Variants in AGBL1 observed in about 807,000 individuals in gnomAD.
AGBL1 encodes cytosolic carboxypeptidase 4.
In AGBL1, 130 loss-of-function variants were observed where a neutral mutation model predicts 118.9. That is an observed-to-expected ratio of 1.09 (90% CI 0.95 to 1.26). The LOEUF (loss-of-function observed/expected upper bound fraction) is 1.26. AGBL1 is among the 50% of genes most tolerant of loss of function. The pLI, the probability that AGBL1 is intolerant of heterozygous loss-of-function variation, is 0.00. For synonymous variants in AGBL1, 555 were observed against 478.9 expected, an observed-to-expected ratio of 1.16 and a Z score of -2.08; for missense variants, 1,584 against 1,298.1, an observed-to-expected ratio of 1.22 and a Z score of -3.38.
intron 22 of AGBL1, among the ~76,000 whole-genome samples, chr15:86,842,105 A>G (rs1490487598): frequency 6.6e-6 from 1 of 152,034 alleles, no homozygotes; most frequent in Non-Finnish European, 1.5e-5. Context: ...AAAAAATACA[A>G]TCTAAATTCT....
chr15:86,143,994 C>G, intron 3 of AGBL1, 149 bp downstream of exon 3: 1 of 1,011,316 alleles, frequency 9.9e-7, no homozygotes, highest in Admixed American at 2.9e-5. Flanking sequence ...AGGACCAGCC[C>G]CATAGGAGAG....
intron 22 of AGBL1, among the ~76,000 whole-genome samples, chr15:86,857,465 C>G (rs2079499450): frequency 6.6e-6 from 1 of 152,176 alleles, no homozygotes; most frequent in Non-Finnish European, 1.5e-5. Flanking sequence ...CATGGTCTCT[C>G]TCAAAACAGA....
chr15:86,765,558 C>T (rs566423377), intron 22 of AGBL1, among the ~76,000 whole-genome samples: 2 of 151,946 alleles, frequency 1.3e-5, no homozygotes. Flanking sequence ...ATGGGGAACA[C>T]ATTCCACATG....
At chr15:86,270,127 T>C in intron 14 of AGBL1, 60 bp downstream of exon 14, 2 of 1,547,840 alleles carry the variant, frequency 1.3e-6, no homozygotes, top group Non-Finnish European at 1.7e-6. Context: ...ATTTCTTGAC[T>C]GTTTGGATTC....
chr15:86,311,629 C>T (rs925568005), intron 17 of AGBL1, among the ~76,000 whole-genome samples: 9 of 152,066 alleles, frequency 5.9e-5, no homozygotes, highest in East Asian at 3.9e-4. Context: ...TTTGACATCA[C>T]GAATATCAAC....
At chr15:86,946,503 A>G (rs1314133400) in intron 23 of AGBL1, among the ~76,000 whole-genome samples, 1 of 152,132 alleles carries the variant, frequency 6.6e-6, no homozygotes, top group East Asian at 1.9e-4. Context: ...ATTTATTAAT[A>G]GACTCACTAT....
At chr15:86,333,733 A>G (rs1293555381) in intron 17 of AGBL1, among the ~76,000 whole-genome samples, 1 of 152,196 alleles carries the variant, frequency 6.6e-6, no homozygotes, top group East Asian at 1.9e-4. Context: ...CACAATGAGA[A>G]AAGGAAACTA....
At chr15:86,483,345 T>C (rs1204433964) in intron 18 of AGBL1, among the ~76,000 whole-genome samples, 1 of 151,980 alleles carries the variant, frequency 6.6e-6, no homozygotes, top group Non-Finnish European at 1.5e-5. Flanking sequence ...AGAGGGGCAG[T>C]TTAAGGTGGT....
intron 18 of AGBL1, among the ~76,000 whole-genome samples, chr15:86,487,376 G>A (rs971315474): frequency 1.2e-4 from 18 of 152,114 alleles, no homozygotes; most frequent in African/African-American, 4.3e-4. Flanking sequence ...TAAAAGTGCT[G>A]TGGACTCCTT....
intron 4 of AGBL1, among the ~76,000 whole-genome samples, 181 bp from the exon 5 acceptor site, chr15:86,158,752 C>G (rs184510193): frequency 3.3e-5 from 5 of 152,280 alleles, no homozygotes; most frequent in African/African-American, 1.2e-4. Context: ...CAAGTCATTA[C>G]CTTAGTCATG....
At chr15:86,988,974 ATC>A (rs2081311008) in intron 24 of AGBL1, among the ~76,000 whole-genome samples, 1 of 145,346 alleles carries the variant, frequency 6.9e-6, no homozygotes. Context: ...ATACTTATTC[ATC>A]TCTGATTTTT....
chr15:86,326,635 A>C (rs2080188461), intron 17 of AGBL1, among the ~76,000 whole-genome samples: 1 of 152,062 alleles, frequency 6.6e-6, no homozygotes, highest in South Asian at 2.1e-4. Context: ...CATTTGAGCA[A>C]TAATTAGAGT....
At chr15:86,612,588 TCGTACAGCATCA>T (rs2084672907) in intron 21 of AGBL1, among the ~76,000 whole-genome samples, 1 of 152,116 alleles carries the variant, frequency 6.6e-6, no homozygotes, top group Admixed American at 6.5e-5. Context: ...AACCTGACTC[TCGTACAGCATCA>T]CAGGACAGCA....
Position 86,264,947 on chromosome 15 carries a change from T to C in AGBL1, c.1667+109T>C, listed in dbSNP as rs1473206998. On this transcript the variant is annotated intron_variant, in intron 11 of 22. Transcript: ENST00000614907. Reference sequence around the variant, plus strand: ...CTATCTATAGGAAAGAGAGCATTAATCAGGAACATGTCAAAGCCTGTTGGC... The same window carrying C: ...CTATCTATAGGAAAGAGAGCATTAACCAGGAACATGTCAAAGCCTGTTGGC... 2.8e-6 allele frequency: 3 copies of C among 1,082,670 alleles called. No individual in the cohort carries two copies. In the African/African-American group the frequency reaches 4.8e-5, roughly 17 times the overall value. The allele number at this position is 1,082,670 out of a possible 1,614,324, so 67.1% of individuals were successfully genotyped here.
intron 17 of AGBL1, among the ~76,000 whole-genome samples, chr15:86,370,364 G>A (rs1033677464): frequency 6.7e-6 from 1 of 150,064 alleles, no homozygotes; most frequent in Non-Finnish European, 1.5e-5. Flanking sequence ...GAGTGCAATG[G>A]CATGATCTCG....
Position 86,545,997 on chromosome 15 carries a change from T to G in AGBL1, c.2686-5T>G. ...TTTATTTTCTCCTTTGTTGGGCTAT[T>G]GTAGGTTTTCTGTGACTTCCATGGC... is the stretch of plus-strand genomic sequence containing the variant. On this transcript the variant is annotated splice_polypyrimidine_tract_variant and splice_region_variant and intron_variant, in intron 19 of 22. Transcript: ENST00000614907. 6.2e-7 allele frequency: 1 copy of G among 1,612,414 alleles called. No individual in the cohort carries two copies. The highest frequency in any genetic ancestry group is 8.5e-7 in the Non-Finnish European group (1 of 1,178,908).
At chr15:86,426,957 G>C (rs149502120) in intron 18 of AGBL1, among the ~76,000 whole-genome samples, 6,620 of 152,164 alleles carry the variant, frequency 0.044, 233 homozygotes, top group East Asian at 0.15. Context: ...GTAGAGTCAG[G>C]GTTTTGCCCT....
At chr15:86,325,677 G>A (rs1238288082) in intron 17 of AGBL1, among the ~76,000 whole-genome samples, 1 of 152,106 alleles carries the variant, frequency 6.6e-6, no homozygotes, top group African/African-American at 2.4e-5. Flanking sequence ...CCCCTAGCAA[G>A]GTGAGCATCG....
At position 86,613,334 on chromosome 15, in the gene AGBL1, C is replaced by G. The variant is rs757522346; in HGVS notation, c.2994+58797C>G. 6.6e-6 allele frequency among the ~76,000 whole-genome samples: 1 copy of G among 152,146 alleles called. No homozygotes were observed. Among genetic ancestry groups the G allele is most frequent in the African/African-American group, 2.4e-5 (1 of 41,428 alleles). On this transcript the variant is annotated intron_variant, in intron 21 of 22. Transcript: ENST00000614907. The surrounding 1 kb of genome is among the most constrained non-coding windows in gnomAD (Gnocchi z 4.2). Reference sequence around the variant, plus strand: ...CGAGGTCCCATGAACTTGTAGGTGACTTTAGCTGGATCTAATGGGGCAGTA... The same window carrying G: ...CGAGGTCCCATGAACTTGTAGGTGAGTTTAGCTGGATCTAATGGGGCAGTA...
Sources: gnomAD v4.1 joint callset for allele counts (sites outside exome capture counted in the v4.1 genomes callset) on GRCh38, gnomAD v4.1.1 for gene constraint, Gnocchi (gnomAD v3.1) non-coding constraint, MANE v1.5 for transcripts, NCBI Gene and HGNC (gene_info 2026-07-23, HGNC 2026-07-21) for gene names.